ETV1: variants seen among roughly 807,000 people sequenced by gnomAD.
ETV1 encodes the protein ETS variant transcription factor 1.
A neutral mutation model predicts 62.3 loss-of-function variants in ETV1; 27 were observed. The ratio of observed to expected loss-of-function variants is 0.43; its 90% CI spans 0.32 to 0.60. The LOEUF (loss-of-function observed/expected upper bound fraction) is 0.60. ETV1 is among the 20% of genes least tolerant of loss of function. The pLI is 0.06. For missense variants in ETV1, 605 were observed against 605.8 expected, an observed-to-expected ratio of 1.00 and a Z score of 0.01; for synonymous variants, 222 against 199.6, an observed-to-expected ratio of 1.11 and a Z score of -0.94.
intron 8 of ETV1, among the ~76,000 whole-genome samples, chr7:13,935,407 AAAGTTT>A (rs1418444499): frequency 4.6e-5 from 7 of 152,252 alleles, no homozygotes; most frequent in African/African-American, 1.7e-4. Context: ...GATCTGATTT[AAAGTTT>A]AAGTGAAGCA....
chr7:13,911,035 C>T (rs1481155453), intron 10 of ETV1, among the ~76,000 whole-genome samples: 2 of 152,176 alleles, frequency 1.3e-5, no homozygotes, highest in Non-Finnish European at 2.9e-5. Context: ...TCAGTTGTTT[C>T]TACGCATATG....
At chr7:13,954,687 T>G (rs994855940) in intron 6 of ETV1, among the ~76,000 whole-genome samples, 1 of 152,180 alleles carries the variant, frequency 6.6e-6, no homozygotes, top group Non-Finnish European at 1.5e-5. Context: ...AATTGACTAT[T>G]TTAGCACCAA....
At chr7:13,935,564 G>T in intron 8 of ETV1, 144 bp downstream of exon 8, 1 of 622,514 alleles carries the variant, frequency 1.6e-6, no homozygotes, top group East Asian at 2.7e-5. Flanking sequence ...TAGATAGAGT[G>T]AGCTCTTTCT....
At position 13,894,290 on chromosome 7, in the gene ETV1, T is replaced by A. The variant is rs959758772; in HGVS notation, c.*1576A>T. The A allele has an allele frequency of 1.3e-5, 3 of 232,630 alleles. No individual in the cohort carries two copies. Among genetic ancestry groups the A allele is most frequent in the African/African-American group, 4.4e-5 (2 of 45,282 alleles). 14.4% of individuals were successfully genotyped at this position (232,630 alleles called of 1,614,324 possible). A position where few individuals can be genotyped will look rare whatever the true frequency, so the allele number is the denominator to read the frequency against. ...CTATTCAGAGATTCTATATCCCCAT[T>A]TACTCATGGTTTTTTCAAGGTGAAT... On this transcript the variant is annotated 3_prime_UTR_variant, in exon 14 of 14. Transcript: ENST00000430479.
chr7:13,953,641 T>C lies in ETV1; in HGVS notation c.236-14395A>G, dbSNP rs1789075614. ...CTTTGTCCTGGCTACTGAGTGACTA[T>C]GAAGACAGGTTCTTCCCATAAGAAC... On this transcript the variant is annotated intron_variant, in intron 6 of 13. Coordinates refer to ENST00000430479, the MANE Select transcript of ETV1 (RefSeq NM_004956.5). 2.7e-5 allele frequency among the ~76,000 whole-genome samples: 4 copies of C among 147,778 alleles called. No individual in the cohort carries two copies. The South Asian group carries it at 8.5e-4, about 31-fold the overall frequency.
At chr7:13,986,771 T>A in intron 4 of ETV1, 86 bp from the exon 5 acceptor site, 1 of 1,000,634 alleles carries the variant, frequency 1.0e-6, no homozygotes, top group Non-Finnish European at 1.5e-6. Flanking sequence ...AAATTGGTAT[T>A]AAATATAAAT....
intron 9 of ETV1, among the ~76,000 whole-genome samples, chr7:13,911,739 T>C (rs1783589160): frequency 6.6e-6 from 1 of 152,200 alleles, no homozygotes; most frequent in Non-Finnish European, 1.5e-5. Context: ...GTAAAATGTA[T>C]TATCAAAAGT....
chr7:13,986,698 T>G lies in ETV1; in HGVS notation c.134-13A>C, dbSNP rs1782582747. ...TCTTGAAAGAGTTCTAAAAAACAAG[T>G]CAAAGACATAAACATAAGATTTGCA... On this transcript the variant is annotated splice_polypyrimidine_tract_variant and intron_variant, in intron 4 of 13. Transcript: ENST00000430479. 1 of 1,597,902 alleles carries G rather than the reference T, an allele frequency of 6.3e-7. No individual in the cohort carries two copies. Among genetic ancestry groups the G allele is most frequent in the Non-Finnish European group, 8.6e-7 (1 of 1,169,262 alleles).
chr7:13,898,038 AC>A (rs1474213776), intron 13 of ETV1, among the ~76,000 whole-genome samples: 1 of 152,180 alleles, frequency 6.6e-6, no homozygotes, highest in Non-Finnish European at 1.5e-5. Flanking sequence ...GCCTTTCCTC[AC>A]TGCTTCCTTC....
At chr7:13,897,319 T>G (rs142305338) in intron 13 of ETV1, among the ~76,000 whole-genome samples, 1 of 152,360 alleles carries the variant, frequency 6.6e-6, no homozygotes, top group African/African-American at 2.4e-5. Context: ...GGGGCAACAG[T>G]GTGTTCCTGG....
intron 10 of ETV1, among the ~76,000 whole-genome samples, chr7:13,909,953 T>C (rs1390627623): frequency 6.6e-6 from 1 of 152,090 alleles, no homozygotes; most frequent in Non-Finnish European, 1.5e-5. Flanking sequence ...CAGTGAAATA[T>C]AAAAGTTAGT....
In ETV1 at chr7:13,989,403, T is replaced by C. The variant is rs1782856425; in HGVS notation, c.-223A>G. 1 of 442,698 alleles carries C rather than the reference T, an allele frequency of 2.3e-6. No homozygotes were observed. Among genetic ancestry groups the C allele is most frequent in the Admixed American group, 4.1e-5 (1 of 24,514 alleles). 27.4% of individuals were successfully genotyped at this position (442,698 alleles called of 1,614,324 possible). ...GTCGGTGTACCCCGGGCAGCTCTGA[T>C]TCGCAAACGTGTGCAAAACTAGCAA... On this transcript the variant is annotated 5_prime_UTR_variant, in exon 2 of 14. Transcript: ENST00000430479.
rs549540776 is a variant in ETV1 at position 13,907,837 on chromosome 7, A to C, written c.941-1238T>G. The stretch of plus-strand genomic sequence containing the variant: ...ATATACCTCTTAAAATAATTACAGA[A>C]AGGGCAACATTTGAAAAACCTAAAC... On this transcript the variant is annotated intron_variant, in intron 11 of 13. Transcript: ENST00000430479. 5 of 470,554 alleles carry C rather than the reference A, an allele frequency of 1.1e-5. No homozygotes were observed. The East Asian group carries it at 3.5e-4, about 33-fold the overall frequency. 29.1% of individuals were successfully genotyped at this position (470,554 alleles called of 1,614,324 possible).
chr7:13,987,097 T>A (rs140971243), intron 4 of ETV1: 263 of 174,734 alleles, frequency 1.5e-3, no homozygotes, highest in African/African-American at 6.0e-3. Flanking sequence ...TTTATTTATA[T>A]CTTCTGAATC....
intron 6 of ETV1, among the ~76,000 whole-genome samples, chr7:13,953,537 G>A (rs1411544858): frequency 2.0e-5 from 3 of 152,092 alleles, no homozygotes; most frequent in African/African-American, 7.2e-5. Context: ...CAGCACTTCC[G>A]GGTGTTTCTC....
At chr7:13,950,509 G>A (rs1296011319) in intron 6 of ETV1, among the ~76,000 whole-genome samples, 5 of 152,138 alleles carry the variant, frequency 3.3e-5, no homozygotes, top group Non-Finnish European at 2.9e-5. Context: ...GTGATCAGGT[G>A]TCTACAGACT....
chr7:13,910,227 C>CTTT (rs1307630076), intron 10 of ETV1, among the ~76,000 whole-genome samples: 3 of 92,324 alleles, frequency 3.2e-5, no homozygotes, highest in East Asian at 3.2e-4. Flanking sequence ...AAAAAGTTTC[C>CTTT]CTTTTTTTTT....
At position 13,966,830 on chromosome 7, in the gene ETV1, A is replaced by T. The variant is rs549081707; in HGVS notation, c.235+10597T>A. Among the ~76,000 whole-genome samples the T allele has an allele frequency of 2.0e-4, 31 of 152,316 alleles. No homozygotes were observed. The South Asian group carries it at 6.2e-3, about 31-fold the overall frequency. On this transcript the variant is annotated intron_variant, in intron 6 of 13. Transcript: ENST00000430479. ...ACAACTTCATTTATCAATTATATGC[A>T]GTAAGAACATAAGCTCCATGATAGC... is the stretch of plus-strand genomic sequence containing the variant.
At chr7:13,986,739 T>G in intron 4 of ETV1, 54 bp from the exon 5 acceptor site, 1 of 1,217,622 alleles carries the variant, frequency 8.2e-7, no homozygotes, top group Non-Finnish European at 1.2e-6. Flanking sequence ...TTAATCTTCA[T>G]TAAATGGAAA....
Sources: allele counts gnomAD v4.1 joint callset (sites outside exome capture counted in the v4.1 genomes callset), GRCh38; gene constraint gnomAD v4.1.1; transcripts MANE v1.5; gene names NCBI Gene and HGNC (gene_info 2026-07-23, HGNC 2026-07-21).